NR2F1-AS1: variants seen among roughly 807,000 people sequenced by gnomAD.
NR2F1-AS1 encodes the protein NR2F1 antisense RNA 1.
chr5:93,583,815 T>C (rs1157996670), upstream of NR2F1-AS1: 1 of 152,304 alleles, frequency 6.6e-6, no homozygotes, highest in Non-Finnish European at 1.5e-5. Flanking sequence ...TTCCTTTTTT[T>C]GGCAATTATT....
chr5:93,468,024 T>C (rs1750278052), intron 4 of NR2F1-AS1, among the ~76,000 whole-genome samples: 1 of 152,250 alleles, frequency 6.6e-6, no homozygotes, highest in Admixed American at 6.5e-5. Context: ...ATGGTGTATA[T>C]GTGTCACATT....
chr5:93,585,482 G>A (rs1479279806), upstream of NR2F1-AS1: 1 of 1,610,392 alleles, frequency 6.2e-7, no homozygotes, highest in African/African-American at 1.3e-5. Context: ...GCATGAGGCG[G>A]GAAGGTGAAT....
chr5:93,534,184 A>G (rs1190929961), intron 4 of NR2F1-AS1, among the ~76,000 whole-genome samples: 1 of 152,200 alleles, frequency 6.6e-6, no homozygotes, highest in East Asian at 1.9e-4. Context: ...TTCATAAAGC[A>G]CCCTCACAAA....
chr5:93,571,529 C>T (rs1415994640), intron 1 of NR2F1-AS1, among the ~76,000 whole-genome samples: 1 of 151,314 alleles, frequency 6.6e-6, no homozygotes, highest in Non-Finnish European at 1.5e-5. Flanking sequence ...GACTCAATTG[C>T]ATTTCTTTAA....
chr5:93,545,769 C>A (rs981330527), intron 4 of NR2F1-AS1, among the ~76,000 whole-genome samples: 2 of 152,188 alleles, frequency 1.3e-5, no homozygotes, highest in Non-Finnish European at 2.9e-5. Context: ...TTTGCCTTAA[C>A]CTCAGTTGTT....
intron 4 of NR2F1-AS1, among the ~76,000 whole-genome samples, chr5:93,545,164 C>T (rs755151956): frequency 9.2e-5 from 14 of 152,142 alleles, no homozygotes; most frequent in Non-Finnish European, 1.9e-4. Flanking sequence ...ATGGGTTACA[C>T]CGTTTAATAA....
intron 4 of NR2F1-AS1, among the ~76,000 whole-genome samples, chr5:93,512,553 T>C (rs1751320637): frequency 6.6e-6 from 1 of 152,186 alleles, no homozygotes; most frequent in African/African-American, 2.4e-5. Flanking sequence ...TTATAAAGTC[T>C]ACAGTACTAT....
At chr5:93,446,271 G>C (rs13172635) in intron 4 of NR2F1-AS1, among the ~76,000 whole-genome samples, 1 of 152,200 alleles carries the variant, frequency 6.6e-6, no homozygotes. Context: ...GTCCCTGTTT[G>C]CAGATGACAT....
intron 4 of NR2F1-AS1, among the ~76,000 whole-genome samples, chr5:93,479,284 T>C (rs754889972): frequency 2.0e-5 from 3 of 152,164 alleles, no homozygotes; most frequent in Admixed American, 6.5e-5. Flanking sequence ...AGTACAGAGA[T>C]GGTTCAACCA....
intron 4 of NR2F1-AS1, among the ~76,000 whole-genome samples, chr5:93,521,827 T>C (rs554500672): frequency 6.6e-6 from 1 of 152,190 alleles, no homozygotes; most frequent in South Asian, 2.1e-4. Flanking sequence ...GCTAAAAGCC[T>C]GCCATTCAAC....
intron 4 of NR2F1-AS1, among the ~76,000 whole-genome samples, chr5:93,441,369 T>C (rs1749564435): frequency 6.6e-6 from 1 of 152,158 alleles, no homozygotes; most frequent in African/African-American, 2.4e-5. Context: ...TTACCTAGAG[T>C]GATCAACATA....
intron 4 of NR2F1-AS1, among the ~76,000 whole-genome samples, chr5:93,470,897 T>G (rs1387345573): frequency 6.6e-6 from 1 of 151,848 alleles, no homozygotes; most frequent in Non-Finnish European, 1.5e-5. Flanking sequence ...TAGAAAAATC[T>G]CATTTTACTC....
intron 4 of NR2F1-AS1, among the ~76,000 whole-genome samples, chr5:93,468,640 CTTTAG>C (rs1203618175): frequency 6.6e-6 from 1 of 152,270 alleles, no homozygotes; most frequent in South Asian, 2.1e-4. Flanking sequence ...TGCAGAAGCT[CTTTAG>C]TTTAATTAGA....
At chr5:93,551,449 A>G (rs982805457) in intron 4 of NR2F1-AS1, among the ~76,000 whole-genome samples, 5 of 152,234 alleles carry the variant, frequency 3.3e-5, no homozygotes, top group South Asian at 2.1e-4. Flanking sequence ...ATCAACTTAT[A>G]GCCTGACATA....
chr5:93,441,583 GGT>G (rs1383099130), intron 4 of NR2F1-AS1, among the ~76,000 whole-genome samples: 1 of 152,136 alleles, frequency 6.6e-6, no homozygotes, highest in Admixed American at 6.5e-5. Context: ...GAAAGATCAA[GGT>G]AGCTCAACTT....
intron 2 of NR2F1-AS1, among the ~76,000 whole-genome samples, chr5:93,558,323 T>A (rs1239858878): frequency 6.6e-6 from 1 of 151,526 alleles, no homozygotes; most frequent in Non-Finnish European, 1.5e-5. Context: ...GTATTTCTTT[T>A]TTTTTTTTTT....
chr5:93,471,284 G>C (rs1212897165), intron 4 of NR2F1-AS1, among the ~76,000 whole-genome samples: 1 of 151,762 alleles, frequency 6.6e-6, no homozygotes, highest in Non-Finnish European at 1.5e-5. Flanking sequence ...AAAGCAATTT[G>C]GTAAGATATG....
At chr5:93,476,135 G>A (rs888379803) in intron 4 of NR2F1-AS1, among the ~76,000 whole-genome samples, 7 of 152,114 alleles carry the variant, frequency 4.6e-5, no homozygotes, top group African/African-American at 1.4e-4. Context: ...CACACAAAAC[G>A]CTTGAATAGG....
intron 4 of NR2F1-AS1, among the ~76,000 whole-genome samples, chr5:93,491,659 T>C (rs1432206885): frequency 6.6e-6 from 1 of 152,068 alleles, no homozygotes; most frequent in African/African-American, 2.4e-5. Flanking sequence ...AAGACGCAAA[T>C]TGAAGAAAAA....
Sources: allele counts gnomAD v4.1 joint callset (sites outside exome capture counted in the v4.1 genomes callset), GRCh38; gene constraint gnomAD v4.1.1; transcripts MANE v1.5; gene names NCBI Gene and HGNC (gene_info 2026-07-23, HGNC 2026-07-21).